GLB1: variants seen among roughly 807,000 people sequenced by gnomAD.
The protein encoded by GLB1 is beta-galactosidase.
In GLB1, 56 loss-of-function variants were observed where a neutral mutation model predicts 74.0. That is an observed-to-expected ratio of 0.76 (90% CI 0.61 to 0.94). The LOEUF is 0.94. GLB1 is among the 40% of genes least tolerant of loss of function. The pLI, the probability that GLB1 is intolerant of heterozygous loss-of-function variation, is 0.00. For synonymous variants in GLB1, 323 were observed against 323.6 expected (o/e 1.00, Z 0.02); for missense variants, 787 against 845.5 (o/e 0.93, Z 0.86).
chr3:33,077,989 T>C (rs934573488), intron 1 of GLB1, among the ~76,000 whole-genome samples: 1 of 152,024 alleles, frequency 6.6e-6, no homozygotes, highest in Admixed American at 6.6e-5. Flanking sequence ...TGTCTTTAAG[T>C]AGGGATAAAT....
In GLB1 at chr3:32,996,980, C is replaced by T; in HGVS notation, c.*65G>A. ...CCACATTCCAATCAGTGAAATGTGGCATGACAGGGAGGATCTGTGAGGTAT... is the reference window on the plus strand; with the variant it reads ...CCACATTCCAATCAGTGAAATGTGGTATGACAGGGAGGATCTGTGAGGTAT... On this transcript the variant is annotated 3_prime_UTR_variant, in exon 16 of 16. Transcript: ENST00000307363. The T allele has an allele frequency of 6.2e-7, 1 of 1,612,798 alleles. No homozygotes were observed. The highest frequency in any genetic ancestry group is 1.1e-5 in the South Asian group (1 of 90,590).
intron 1 of GLB1, among the ~76,000 whole-genome samples, chr3:33,076,332 G>C (rs911086153): frequency 1.3e-5 from 2 of 152,256 alleles, no homozygotes; most frequent in African/African-American, 4.8e-5. Context: ...GGCAGCTGCT[G>C]AGGCAGAGGA....
At chr3:33,050,636 G>A (rs562600048) in intron 9 of GLB1, among the ~76,000 whole-genome samples, 1 of 152,202 alleles carries the variant, frequency 6.6e-6, no homozygotes, top group Non-Finnish European at 1.5e-5. Context: ...GAGGGAGAGT[G>A]TGGAATGAAT....
At chr3:33,005,685 G>C (rs1696757855) in intron 15 of GLB1, among the ~76,000 whole-genome samples, 2 of 152,140 alleles carry the variant, frequency 1.3e-5, no homozygotes, top group African/African-American at 4.8e-5. Flanking sequence ...TTGTAGAGAT[G>C]AGGTCTTATT....
At chr3:32,965,411 A>G in the GLB1 span, among the ~76,000 whole-genome samples, 2 of 152,158 alleles carry the variant, frequency 1.3e-5, no homozygotes, top group African/African-American at 4.8e-5. Flanking sequence ...ACTTTAGCAA[A>G]GAGACTGGTG....
chr3:32,987,176 C>T, the GLB1 span, among the ~76,000 whole-genome samples: 1 of 152,160 alleles, frequency 6.6e-6, no homozygotes, highest in Admixed American at 6.5e-5. Context: ...CTGGCTGACA[C>T]GGATGGAAGG....
chr3:33,002,347 C>CCCTCCGTTCCTT (rs1371895554), intron 15 of GLB1, among the ~76,000 whole-genome samples: 1 of 114,230 alleles, frequency 8.8e-6, no homozygotes, highest in South Asian at 3.1e-4. Context: ...CTCCCTCCCT[C>CCCTCCGTTCCTT]CCTTCCTTCC....
In GLB1 at chr3:33,042,100, C is replaced by T. The variant is rs117149449; in HGVS notation, c.1068+4020G>A. ...AATATATTCTGAAACTGCCTAGTTCCTACTACCTTCATAAGCCACAATCAC... is the reference window on the plus strand; with the variant it reads ...AATATATTCTGAAACTGCCTAGTTCTTACTACCTTCATAAGCCACAATCAC... On this transcript the variant is annotated intron_variant, in intron 10 of 15. Transcript: ENST00000307363. Among the ~76,000 whole-genome samples the T allele has an allele frequency of 2.0e-4, 31 of 152,202 alleles. No homozygotes were observed. The East Asian group carries it at 6.0e-3, about 29-fold the overall frequency.
chr3:33,038,296 C>T (rs989199289), intron 10 of GLB1, among the ~76,000 whole-genome samples: 1 of 152,096 alleles, frequency 6.6e-6, no homozygotes, highest in Non-Finnish European at 1.5e-5. Context: ...AGTGGATGAT[C>T]GACAGATCTC....
Position 33,002,351 on chromosome 3 carries a change from T to TC in GLB1, c.1735-5008dup, listed in dbSNP as rs1275180428. Among the ~76,000 whole-genome samples, 130 of 24,738 alleles carry TC rather than the reference T, an allele frequency of 5.3e-3. 1 individual carries two copies. Among genetic ancestry groups the TC allele is most frequent in the Middle Eastern group, 0.028 (1 of 36 alleles). The allele number at this position is 24,738 out of a possible 152,430, so 16.2% of individuals were successfully genotyped here. ...TCCCTCCCTCCCTCCCTCCCTCCCT[T>TC]CCTTCCTTCCTTCCATCCTTCCTTC... is the stretch of plus-strand genomic sequence containing the variant. On this transcript the variant is annotated intron_variant, in intron 15 of 15. Transcript: ENST00000307363.
rs577874033 is a variant in GLB1 at position 33,008,184 on chromosome 3, A to G, written c.1734+5872T>C. The stretch of plus-strand genomic sequence containing the variant: ...TTGGTCTCTACTGCATTAGGAGGGG[A>G]GAAAAAGAGGGATCGAGGGAACAAG... On this transcript the variant is annotated intron_variant, in intron 15 of 15. Coordinates refer to ENST00000307363, the MANE Select transcript of GLB1 (RefSeq NM_000404.4). Among the ~76,000 whole-genome samples, 129 of 152,238 alleles carry G rather than the reference A, an allele frequency of 8.5e-4. 1 individual carries two copies. Among genetic ancestry groups the G allele is most frequent in the Middle Eastern group, 6.8e-3 (2 of 294 alleles).
At chr3:33,058,373 A>T (rs565842594) in intron 5 of GLB1, 104 bp from the exon 6 acceptor site, 16 of 1,521,470 alleles carry the variant, frequency 1.1e-5, no homozygotes, top group Non-Finnish European at 1.3e-5. Context: ...TAAGATGACA[A>T]GGCTTAATGA....
chr3:33,017,715 C>A (rs531824408), intron 13 of GLB1, among the ~76,000 whole-genome samples: 2 of 152,144 alleles, frequency 1.3e-5, no homozygotes. Context: ...AATATAATTT[C>A]TCATGTAGGA....
the GLB1 span, among the ~76,000 whole-genome samples, chr3:32,988,088 A>C: frequency 6.7e-6 from 1 of 149,952 alleles, no homozygotes; most frequent in African/African-American, 2.5e-5. Flanking sequence ...TGAGAGGCTA[A>C]GGCAGGAGAA....
At chr3:33,066,116 A>T (rs909748274) in intron 4 of GLB1, among the ~76,000 whole-genome samples, 10 of 152,184 alleles carry the variant, frequency 6.6e-5, no homozygotes, top group Non-Finnish European at 1.2e-4. Context: ...TCCTGCATGT[A>T]GTTGTCTCCT....
chr3:33,091,272 C>T, intron 1 of GLB1: 1 of 985,440 alleles, frequency 1.0e-6, no homozygotes, highest in East Asian at 1.1e-4. Flanking sequence ...ACCGTGGCTG[C>T]CTGGGAACAA....
At chr3:33,085,678 A>C (rs1396591305) in intron 1 of GLB1, among the ~76,000 whole-genome samples, 1 of 152,118 alleles carries the variant, frequency 6.6e-6, no homozygotes, top group African/African-American at 2.4e-5. Context: ...TAAGATGTAC[A>C]AAACAGGGCT....
chr3:33,094,850 TG>T (rs1700939422), intron 1 of GLB1, among the ~76,000 whole-genome samples: 1 of 152,216 alleles, frequency 6.6e-6, no homozygotes, highest in Admixed American at 6.5e-5. Context: ...GAAATACTAT[TG>T]TTTTTCAAAT....
rs1181565791 is a variant in GLB1, at chr3:33,092,917, GGCTGAC to G, written c.75+4088_75+4093del. On this transcript the variant is annotated intron_variant, in intron 1 of 15. Transcript: ENST00000307363. ...GGTATCCCGTAGTAGGCTGTGCCTG[GGCTGAC>G]ATACACGAATGTAGCCTGGGCCACC... The G allele has an allele frequency of 1.9e-6, 3 of 1,614,058 alleles. No individual in the cohort carries two copies. In the Admixed American group the frequency reaches 5.0e-5, roughly 27 times the overall value.
Sources: allele counts gnomAD v4.1 joint callset (sites outside exome capture counted in the v4.1 genomes callset), GRCh38; gene constraint gnomAD v4.1.1; transcripts MANE v1.5; gene names NCBI Gene and HGNC (gene_info 2026-07-23, HGNC 2026-07-21).